MCU: variants seen among roughly 807,000 people sequenced by gnomAD.
The protein encoded by MCU is mitochondrial calcium uniporter.
MCU carries 12 observed loss-of-function variants against 45.2 expected under a neutral mutation model. The ratio of observed to expected loss-of-function variants is 0.27; its 90% CI spans 0.17 to 0.43. MCU has a LOEUF of 0.43. MCU is among the 20% of genes least tolerant of loss of function. MCU has a pLI of 1.00. For missense variants in MCU, 324 were observed against 436.7 expected, an observed-to-expected ratio of 0.74 and a Z score of 2.30; for synonymous variants, 160 against 165.1, an observed-to-expected ratio of 0.97 and a Z score of 0.24.
At chr10:72,773,370 C>T (rs920557822) in intron 1 of MCU, among the ~76,000 whole-genome samples, 1 of 152,014 alleles carries the variant, frequency 6.6e-6, no homozygotes, top group African/African-American at 2.4e-5. Flanking sequence ...TGGAGGCTCT[C>T]AATGGCAGAA....
intron 2 of MCU, among the ~76,000 whole-genome samples, chr10:72,847,408 GT>G (rs1208489472): frequency 1.3e-5 from 2 of 152,130 alleles, no homozygotes; most frequent in African/African-American, 4.8e-5. Context: ...CTCATAAAGG[GT>G]TGCAACCTTC....
At chr10:72,721,535 C>G (rs905418485) in intron 1 of MCU, among the ~76,000 whole-genome samples, 1 of 152,212 alleles carries the variant, frequency 6.6e-6, no homozygotes, top group Non-Finnish European at 1.5e-5. Flanking sequence ...ATTCCTCAAA[C>G]ATGCTGAACA....
chr10:72,869,820 G>A (rs554945855), intron 5 of MCU, among the ~76,000 whole-genome samples: 83 of 152,020 alleles, frequency 5.5e-4, no homozygotes, highest in African/African-American at 2.0e-3. Context: ...GGGGGTATCC[G>A]GGAACCAATT....
intron 1 of MCU, among the ~76,000 whole-genome samples, chr10:72,787,169 G>A (rs569405387): frequency 1.2e-4 from 18 of 152,338 alleles, no homozygotes; most frequent in Admixed American, 4.6e-4. Flanking sequence ...CCCAGCTGAA[G>A]TCCTATCTCC....
At chr10:72,774,529 G>A (rs1190454502) in intron 1 of MCU, among the ~76,000 whole-genome samples, 8 of 152,140 alleles carry the variant, frequency 5.3e-5, no homozygotes, top group Non-Finnish European at 1.0e-4. Flanking sequence ...CAAAATGGCA[G>A]TCGTGAGTCC....
At chr10:72,800,855 G>T (rs1434328678) in intron 1 of MCU, among the ~76,000 whole-genome samples, 1 of 152,122 alleles carries the variant, frequency 6.6e-6, no homozygotes, top group East Asian at 1.9e-4. Context: ...TAGCACGGTG[G>T]CTCACACCTT....
chr10:72,755,471 C>G (rs1843562095), intron 1 of MCU, among the ~76,000 whole-genome samples: 1 of 152,132 alleles, frequency 6.6e-6, no homozygotes, highest in South Asian at 2.1e-4. Flanking sequence ...TACTTTATGT[C>G]TTTAAGCCTG....
At chr10:72,696,532 G>A (rs1380404084) in intron 1 of MCU, among the ~76,000 whole-genome samples, 1 of 151,970 alleles carries the variant, frequency 6.6e-6, no homozygotes, top group Non-Finnish European at 1.5e-5. Context: ...CTTTTCTATT[G>A]TTGTCTTCTG....
chr10:72,709,361 T>C (rs1422391360), intron 1 of MCU, among the ~76,000 whole-genome samples: 2 of 152,230 alleles, frequency 1.3e-5, no homozygotes, highest in East Asian at 3.8e-4. Flanking sequence ...TAAAGAAGTA[T>C]TTAAAGATAG....
chr10:72,715,168 A>G, intron 1 of MCU: 1 of 985,510 alleles, frequency 1.0e-6, no homozygotes, highest in Non-Finnish European at 1.2e-6. Context: ...CTCACTCTCC[A>G]TGTACCATGC....
chr10:72,865,619 C>A (rs192296448), intron 4 of MCU, among the ~76,000 whole-genome samples: 47 of 152,154 alleles, frequency 3.1e-4, no homozygotes, highest in Non-Finnish European at 5.7e-4. Context: ...CAGCTCATTG[C>A]AGCCCTGACC....
At chr10:72,801,371 T>G (rs1844337900) in intron 1 of MCU, among the ~76,000 whole-genome samples, 2 of 149,612 alleles carry the variant, frequency 1.3e-5, no homozygotes, top group East Asian at 1.9e-4. Flanking sequence ...TTTTTTTTTT[T>G]GCTGAAAGTA....
chr10:72,740,526 A>T (rs1843312631), intron 1 of MCU, among the ~76,000 whole-genome samples: 1 of 152,232 alleles, frequency 6.6e-6, no homozygotes, highest in Non-Finnish European at 1.5e-5. Context: ...CCAAAATCAA[A>T]CTTATTTATC....
intron 1 of MCU, among the ~76,000 whole-genome samples, chr10:72,707,018 T>G (rs1199754178): frequency 6.8e-6 from 1 of 147,220 alleles, no homozygotes; most frequent in Non-Finnish European, 1.5e-5. Context: ...TTAGTAGAGA[T>G]GGGGTTTCAC....
chr10:72,845,278 T>C (rs1196797208), intron 2 of MCU, among the ~76,000 whole-genome samples: 2 of 152,062 alleles, frequency 1.3e-5, no homozygotes, highest in Admixed American at 1.3e-4. Flanking sequence ...GAGTAAAATG[T>C]GAAACACAAG....
At position 72,774,827 on chromosome 10, in the gene MCU, C is replaced by G. The variant is rs149797388; in HGVS notation, c.151-59532C>G. Among the ~76,000 whole-genome samples, 137 of 152,134 alleles carry G rather than the reference C, an allele frequency of 9.0e-4. 2 individuals carry two copies. Among genetic ancestry groups the G allele is most frequent in the African/African-American group, 2.7e-3 (113 of 41,520 alleles). On this transcript the variant is annotated intron_variant, in intron 1 of 7. Coordinates refer to ENST00000373053, the MANE Select transcript of MCU (RefSeq NM_138357.3). Reference sequence around the variant, plus strand: ...AGGGCACCATATAAGATAAATAGATCAATTCAGCAAGAAGATATACCAATT... The same window carrying G: ...AGGGCACCATATAAGATAAATAGATGAATTCAGCAAGAAGATATACCAATT...
At position 72,764,948 on chromosome 10, in the gene MCU, T is replaced by C. The variant is rs1843703579; in HGVS notation, c.151-69411T>C. Among the ~76,000 whole-genome samples, 7 of 152,200 alleles carry C rather than the reference T, an allele frequency of 4.6e-5. 1 individual carries two copies. The South Asian group carries it at 1.4e-3, about 32-fold the overall frequency. ...CTTATATTGATGTGATTTTTGCCCT[T>C]ATAAAGAATTAAATATTAGAGGGCC... On this transcript the variant is annotated intron_variant, in intron 1 of 7. Transcript: ENST00000373053.
chr10:72,874,708 ACAT>A (rs1486873156), intron 6 of MCU, among the ~76,000 whole-genome samples: 3 of 152,236 alleles, frequency 2.0e-5, no homozygotes, highest in Non-Finnish European at 4.4e-5. Flanking sequence ...CTGAACAGTC[ACAT>A]CATTCTTATC....
chr10:72,864,860 A>G (rs946732158), intron 4 of MCU, among the ~76,000 whole-genome samples: 1 of 152,194 alleles, frequency 6.6e-6, no homozygotes, highest in African/African-American at 2.4e-5. Flanking sequence ...CTTGGGCTAG[A>G]AGTTCTCTTT....
Sources: gnomAD v4.1 joint callset for allele counts (sites outside exome capture counted in the v4.1 genomes callset) on GRCh38, gnomAD v4.1.1 for gene constraint, MANE v1.5 for transcripts, NCBI Gene and HGNC (gene_info 2026-07-23, HGNC 2026-07-21) for gene names.